Variants in RPS6KC1 observed in about 807,000 individuals in gnomAD.
RPS6KC1 encodes ribosomal protein S6 kinase C1.
A neutral mutation model predicts 103.8 loss-of-function variants in RPS6KC1; 54 were observed. The observed-to-expected ratio is 0.52, with a 90% CI of 0.42 to 0.65. The LOEUF (loss-of-function observed/expected upper bound fraction) is 0.65. Ranked by LOEUF, RPS6KC1 falls within the 30% of genes least tolerant of loss-of-function variation. The pLI, the probability that RPS6KC1 is intolerant of heterozygous loss-of-function variation, is 0.00. For missense variants in RPS6KC1, 1,151 were observed against 1,253.8 expected, an observed-to-expected ratio of 0.92 and a Z score of 1.24; for synonymous variants, 439 against 438.7, an observed-to-expected ratio of 1.00 and a Z score of -0.01.
chr1:213,176,303 T>C (rs1340374182), intron 7 of RPS6KC1, 97 bp from the exon 8 acceptor site: 1 of 608,072 alleles, frequency 1.6e-6, no homozygotes, highest in Non-Finnish European at 2.8e-6. Flanking sequence ...TGATTTATGA[T>C]GAATTTACTT....
At chr1:213,704,250 G>A in the RPS6KC1 span, among the ~76,000 whole-genome samples, 1 of 151,266 alleles carries the variant, frequency 6.6e-6, no homozygotes, top group African/African-American at 2.4e-5. Flanking sequence ...AGCCGGGCGA[G>A]GTGGCGGGCG....
the RPS6KC1 span, among the ~76,000 whole-genome samples, chr1:213,717,610 A>G: frequency 6.6e-6 from 1 of 152,338 alleles, no homozygotes; most frequent in East Asian, 1.9e-4. Context: ...TTTAGACTTC[A>G]TCTTCTGAGT....
chr1:213,677,828 G>A, the RPS6KC1 span, among the ~76,000 whole-genome samples: 150,676 of 152,116 alleles, frequency 0.99, 74,633 homozygotes, highest in Middle Eastern at 1. Context: ...CAAGATGGTG[G>A]AACCTTGTAT....
chr1:213,344,397 A>T, the RPS6KC1 span, among the ~76,000 whole-genome samples: 1 of 152,228 alleles, frequency 6.6e-6, no homozygotes, highest in African/African-American at 2.4e-5. Flanking sequence ...AATATTAAGA[A>T]GCATAAAAAG....
intron 8 of RPS6KC1, among the ~76,000 whole-genome samples, chr1:213,214,238 C>A (rs544723372): frequency 1.3e-5 from 2 of 152,390 alleles, no homozygotes; most frequent in Non-Finnish European, 2.9e-5. Context: ...TATCCCGCGC[C>A]TGGCTTGAAG....
chr1:213,086,098 C>T (rs886297100), intron 3 of RPS6KC1, among the ~76,000 whole-genome samples: 17 of 152,110 alleles, frequency 1.1e-4, no homozygotes, highest in Admixed American at 1.1e-3. Context: ...TATTTTAGCT[C>T]CACATCCATC....
At chr1:213,736,736 G>A in the RPS6KC1 span, among the ~76,000 whole-genome samples, 1 of 152,190 alleles carries the variant, frequency 6.6e-6, no homozygotes, top group Non-Finnish European at 1.5e-5. Context: ...ATCTTCAGTA[G>A]GGTGAACAAC....
At chr1:213,424,319 G>C in the RPS6KC1 span, among the ~76,000 whole-genome samples, 1 of 152,184 alleles carries the variant, frequency 6.6e-6, no homozygotes, top group South Asian at 2.1e-4. Context: ...TGTTAAGCTG[G>C]CTTTCTCTCT....
chr1:213,506,635 A>T, the RPS6KC1 span, among the ~76,000 whole-genome samples: 2 of 152,342 alleles, frequency 1.3e-5, no homozygotes, highest in South Asian at 4.1e-4. Context: ...TTTTTACTCA[A>T]CCCAGTCAAT....
the RPS6KC1 span, among the ~76,000 whole-genome samples, chr1:213,728,783 C>T: frequency 1.3e-5 from 2 of 151,980 alleles, no homozygotes; most frequent in South Asian, 2.1e-4. Context: ...GTCACTCCTC[C>T]GCGCTCTTGG....
chr1:213,429,906 T>C, the RPS6KC1 span, among the ~76,000 whole-genome samples: 1 of 152,258 alleles, frequency 6.6e-6, no homozygotes, highest in Admixed American at 6.5e-5. Flanking sequence ...ACTTAATTTC[T>C]TTATTGCTTT....
intron 4 of RPS6KC1, among the ~76,000 whole-genome samples, chr1:213,115,920 T>C (rs188267384): frequency 0.013 from 1,965 of 152,056 alleles, 23 homozygotes; most frequent in Non-Finnish European, 0.019. Flanking sequence ...CTGAGAGATA[T>C]TTTGTTATAA....
the RPS6KC1 span, among the ~76,000 whole-genome samples, chr1:213,423,707 T>C: frequency 0.021 from 3,241 of 151,936 alleles, 106 homozygotes; most frequent in African/African-American, 0.074. Flanking sequence ...ATGCTCATCT[T>C]GAGGCACAGT....
the RPS6KC1 span, among the ~76,000 whole-genome samples, chr1:213,388,122 C>A: frequency 6.6e-6 from 1 of 152,244 alleles, no homozygotes; most frequent in African/African-American, 2.4e-5. Context: ...TGTGGAATTT[C>A]AATCCTGCTG....
intron 12 of RPS6KC1, among the ~76,000 whole-genome samples, chr1:213,249,639 A>G (rs2094510426): frequency 6.6e-6 from 1 of 152,168 alleles, no homozygotes; most frequent in Non-Finnish European, 1.5e-5. Flanking sequence ...GTGACACCTG[A>G]TGGCTACTCA....
chr1:213,213,251 T>C (rs2093564180), intron 8 of RPS6KC1, among the ~76,000 whole-genome samples: 1 of 152,188 alleles, frequency 6.6e-6, no homozygotes, highest in Non-Finnish European at 1.5e-5. Context: ...TTGTTAAGGG[T>C]GTAAGGTCTG....
At chr1:213,208,737 G>A (rs1362070815) in intron 8 of RPS6KC1, among the ~76,000 whole-genome samples, 1 of 151,834 alleles carries the variant, frequency 6.6e-6, no homozygotes, top group Non-Finnish European at 1.5e-5. Context: ...TCTGTTTTCA[G>A]TACCACTCTT....
the RPS6KC1 span, among the ~76,000 whole-genome samples, chr1:213,696,745 T>C: frequency 5.3e-5 from 8 of 152,160 alleles, no homozygotes; most frequent in African/African-American, 1.9e-4. Flanking sequence ...AAAACCAAAG[T>C]GTTTTTTCCT....
chr1:213,134,822 AT>A (rs1357314486), intron 6 of RPS6KC1, among the ~76,000 whole-genome samples: 2 of 152,138 alleles, frequency 1.3e-5, no homozygotes, highest in African/African-American at 4.8e-5. Context: ...CTTAGAACCA[AT>A]CCCCTGTGGA....
Sources: gnomAD v4.1 joint callset for allele counts (sites outside exome capture counted in the v4.1 genomes callset) on GRCh38, gnomAD v4.1.1 for gene constraint, MANE v1.5 for transcripts, NCBI Gene and HGNC (gene_info 2026-07-23, HGNC 2026-07-21) for gene names.